The following ARHGEF26 variants were observed in gnomAD, a reference collection of about 807,000 sequenced individuals.
The protein encoded by ARHGEF26 is Rho guanine nucleotide exchange factor 26, also known as Rho guanine nucleotide exchange factor (GEF) 26.
Under a neutral mutation model 89.4 loss-of-function variants are expected in ARHGEF26, and 59 were observed. The observed-to-expected ratio is 0.66, with a 90% confidence interval of 0.54 to 0.82. The LOEUF is 0.82. ARHGEF26 is among the 40% of genes least tolerant of loss of function. The pLI, the probability that ARHGEF26 is intolerant of heterozygous loss-of-function variation, is 0.00. For synonymous variants in ARHGEF26, 500 were observed against 428.4 expected (o/e 1.17, Z -2.06); for missense variants, 1,234 against 1,085.6 (o/e 1.14, Z -1.92).
rs559643553 is a variant in ARHGEF26 at position 154,253,327 on chromosome 3, A to G, written c.2368+144A>G. ...TCCTTCTGCTTTACACCAAAAATGT[A>G]TGATCCTTGCTTTGGAAGTCAGGGG... On this transcript the variant is annotated intron_variant, in intron 13 of 14. Coordinates refer to ENST00000465093, the MANE Select transcript of ARHGEF26 (RefSeq NM_015595.4). The G allele has an allele frequency of 1.2e-5, 11 of 882,470 alleles. No individual in the cohort carries two copies. In the African/African-American group the frequency reaches 1.5e-4, roughly 12 times the overall value. 54.7% of individuals were successfully genotyped at this position (882,470 alleles called of 1,614,324 possible).
At chr3:154,232,686 T>C (rs1158497986) in intron 11 of ARHGEF26, among the ~76,000 whole-genome samples, 2 of 152,218 alleles carry the variant, frequency 1.3e-5, no homozygotes, top group Admixed American at 1.3e-4. Context: ...TTACACACAA[T>C]GAGGTAATAA....
At chr3:154,183,368 A>T (rs1180667269) in intron 6 of ARHGEF26, among the ~76,000 whole-genome samples, 3 of 152,246 alleles carry the variant, frequency 2.0e-5, no homozygotes, top group Non-Finnish European at 4.4e-5. Context: ...TACTACAAAG[A>T]GGAAATAAGT....
At chr3:154,184,252 G>T (rs917148425) in intron 6 of ARHGEF26, among the ~76,000 whole-genome samples, 4 of 152,130 alleles carry the variant, frequency 2.6e-5, no homozygotes, top group Admixed American at 2.6e-4. Context: ...GATTACAGGC[G>T]TGAGCCACCG....
At chr3:154,232,916 C>T (rs962167828) in intron 11 of ARHGEF26, among the ~76,000 whole-genome samples, 1 of 151,906 alleles carries the variant, frequency 6.6e-6, no homozygotes, top group Non-Finnish European at 1.5e-5. Context: ...CAACCTCCAA[C>T]TCCTGGGTTC....
At chr3:154,134,618 T>C (rs1718895129) in intron 4 of ARHGEF26, among the ~76,000 whole-genome samples, 1 of 152,120 alleles carries the variant, frequency 6.6e-6, no homozygotes, top group Admixed American at 6.5e-5. Flanking sequence ...CTATATTGAA[T>C]AGGAGTGGTG....
chr3:154,186,511 AAC>A (rs1713563023), intron 6 of ARHGEF26, among the ~76,000 whole-genome samples: 10 of 152,214 alleles, frequency 6.6e-5, no homozygotes, highest in Admixed American at 2.0e-4. Flanking sequence ...CTGTAATCCC[AAC>A]ACTTCGGGAA....
chr3:154,233,588 G>A (rs900553556), intron 11 of ARHGEF26, among the ~76,000 whole-genome samples: 4 of 152,174 alleles, frequency 2.6e-5, no homozygotes, highest in African/African-American at 9.7e-5. Flanking sequence ...TTCCTCAGAG[G>A]GATTTAATGC....
At chr3:154,254,259 T>G (rs1462519895) in intron 13 of ARHGEF26, among the ~76,000 whole-genome samples, 1 of 152,210 alleles carries the variant, frequency 6.6e-6, no homozygotes. Context: ...TTCTCAGCTT[T>G]TGGTTGGAGC....
intron 9 of ARHGEF26, among the ~76,000 whole-genome samples, chr3:154,217,620 T>G (rs541184624): frequency 1.4e-4 from 22 of 152,352 alleles, no homozygotes; most frequent in Admixed American, 3.9e-4. Context: ...TGCTCTGATT[T>G]GGAAGAAGGG....
At position 154,256,548 on chromosome 3, in the gene ARHGEF26, TAA is replaced by T; in HGVS notation, c.*1101_*1102del. 3.1e-6 allele frequency: 2 copies of T among 651,432 alleles called. No homozygotes were observed. The highest frequency in any genetic ancestry group is 3.5e-6 in the Non-Finnish European group (2 of 578,420). The allele number at this position is 651,432 out of a possible 1,614,324, so 40.4% of individuals were successfully genotyped here. A position where few individuals can be genotyped will look rare whatever the true frequency, so the allele number is the denominator to read the frequency against. ...GTGCCCAGCCTACTTTCTAATTAAT[TAA>T]AAAAAAAAAAAAAAAAAAAAAAAAA... On this transcript the variant is annotated 3_prime_UTR_variant, in exon 15 of 15. Coordinates refer to ENST00000465093, the MANE Select transcript of ARHGEF26 (RefSeq NM_015595.4).
Position 154,122,990 on chromosome 3 carries a change from CGAA to C in ARHGEF26, c.1008_1010del (p.Lys336del), listed in dbSNP as rs535601495. 185 of 1,613,728 alleles carry C rather than the reference CGAA, an allele frequency of 1.1e-4. No individual in the cohort carries two copies. Among genetic ancestry groups the C allele is most frequent in the Middle Eastern group, 4.9e-4 (3 of 6,062 alleles). ...TTTGATTTTGACAGTCCTACCAGCT[CGAA>C]GAAGAAGAACAGAATGTCCCAGCCT... On this transcript the variant is annotated inframe_deletion, in exon 2 of 15. Coordinates refer to ENST00000465093, the MANE Select transcript of ARHGEF26 (RefSeq NM_015595.4).
intron 11 of ARHGEF26, among the ~76,000 whole-genome samples, chr3:154,236,040 A>G (rs1717107767): frequency 6.6e-6 from 1 of 152,212 alleles, no homozygotes. Context: ...GGGCTTCATA[A>G]TAATCTCCTT....
chr3:154,197,108 A>G (rs1714340712), intron 9 of ARHGEF26, among the ~76,000 whole-genome samples: 1 of 152,162 alleles, frequency 6.6e-6, no homozygotes, highest in South Asian at 2.1e-4. Context: ...CTTTACCTTG[A>G]TACTATAAGT....
chr3:154,250,755 G>T (rs182492989), intron 12 of ARHGEF26, among the ~76,000 whole-genome samples: 16 of 152,260 alleles, frequency 1.1e-4, no homozygotes, highest in Non-Finnish European at 5.9e-5. Flanking sequence ...GATTTCTCTT[G>T]GTGAGCAACA....
Position 154,257,089 on chromosome 3 carries a change from A to C in ARHGEF26, c.*1616A>C. ...CGCTAACTAGTTATCCAAATTGTAA[A>C]GCTACAGAAGCCCAGTTGAGGGGTA... On this transcript the variant is annotated 3_prime_UTR_variant, in exon 15 of 15. Coordinates refer to ENST00000465093, the MANE Select transcript of ARHGEF26 (RefSeq NM_015595.4). 4.6e-6 allele frequency: 6 copies of C among 1,295,212 alleles called. No individual in the cohort carries two copies. The highest frequency in any genetic ancestry group is 6.1e-6 in the Non-Finnish European group (6 of 983,956). The allele number at this position is 1,295,212 out of a possible 1,614,324, so 80.2% of individuals were successfully genotyped here.
In ARHGEF26 at chr3:154,129,869, G is replaced by A. The variant is rs1014561356; in HGVS notation, c.1269+150G>A. On this transcript the variant is annotated intron_variant, in intron 4 of 14. Coordinates refer to ENST00000465093, the MANE Select transcript of ARHGEF26 (RefSeq NM_015595.4). ...ATTGTGAAATGTTTCTCGGAACTCT[G>A]CCCGCACTAATGAGAACATGAACTT... The A allele has an allele frequency of 3.1e-6, 3 of 952,426 alleles. No homozygotes were observed. The Admixed American group carries it at 8.7e-5, about 28-fold the overall frequency. The allele number at this position is 952,426 out of a possible 1,614,324, so 59.0% of individuals were successfully genotyped here.
Position 154,256,616 on chromosome 3 carries a change from T to G in ARHGEF26, c.*1143T>G. On this transcript the variant is annotated 3_prime_UTR_variant, in exon 15 of 15. Transcript: ENST00000465093. ...TGATAAAAAACTGACGTGAGGCTGC[T>G]TTGCCTTCAATAATACCTAGTTTTC... 2.7e-6 allele frequency: 3 copies of G among 1,119,218 alleles called. No homozygotes were observed. The highest frequency in any genetic ancestry group is 3.3e-6 in the Non-Finnish European group (3 of 919,308). 69.3% of individuals were successfully genotyped at this position (1,119,218 alleles called of 1,614,324 possible).
chr3:154,154,382 C>G (rs1014510032), intron 6 of ARHGEF26, among the ~76,000 whole-genome samples: 1 of 151,694 alleles, frequency 6.6e-6, no homozygotes, highest in Non-Finnish European at 1.5e-5. Flanking sequence ...TCAGTAGATA[C>G]CCAGAAAAAA....
At chr3:154,216,077 T>C (rs1715708475) in intron 9 of ARHGEF26, among the ~76,000 whole-genome samples, 1 of 152,068 alleles carries the variant, frequency 6.6e-6, no homozygotes, top group South Asian at 2.1e-4. Context: ...GCAGTGGGAG[T>C]AGGTCAGGAC....
Sources: gnomAD v4.1 joint callset for allele counts (sites outside exome capture counted in the v4.1 genomes callset) on GRCh38, gnomAD v4.1.1 for gene constraint, MANE v1.5 for transcripts, NCBI Gene and HGNC (gene_info 2026-07-23, HGNC 2026-07-21) for gene names.